The following PREX2 variants were observed in gnomAD, a reference collection of about 807,000 sequenced individuals.
The protein encoded by PREX2 is phosphatidylinositol-3,4,5-trisphosphate dependent Rac exchange factor 2.
Under a neutral mutation model 203.2 loss-of-function variants are expected in PREX2, and 107 were observed. The ratio of observed to expected loss-of-function variants is 0.53; its 90% CI spans 0.45 to 0.62. PREX2 has a LOEUF of 0.62. PREX2 is among the 20% of genes least tolerant of loss of function. The pLI is 0.00. For missense variants in PREX2, 1,777 were observed against 1,955.9 expected (o/e 0.91, Z 1.72); for synonymous variants, 672 against 663.6 (o/e 1.01, Z -0.19).
chr8:68,216,500 T>C (rs541261443), intron 37 of PREX2, among the ~76,000 whole-genome samples: 149 of 152,102 alleles, frequency 9.8e-4, no homozygotes, highest in Middle Eastern at 6.8e-3. Context: ...AAATTGACAA[T>C]TTTTATGAAA....
chr8:68,073,658 T>C (rs1809264728), intron 14 of PREX2, among the ~76,000 whole-genome samples: 1 of 152,228 alleles, frequency 6.6e-6, no homozygotes, highest in Admixed American at 6.5e-5. Context: ...ATTTATATTT[T>C]CAGTGGCTTT....
intron 23 of PREX2, among the ~76,000 whole-genome samples, chr8:68,102,155 T>A (rs1810284940): frequency 6.6e-6 from 1 of 152,208 alleles, no homozygotes; most frequent in Non-Finnish European, 1.5e-5. Flanking sequence ...TTATTGTTAG[T>A]TGAGTCTCAA....
intron 26 of PREX2, among the ~76,000 whole-genome samples, chr8:68,117,437 C>G (rs1003054368): frequency 6.6e-6 from 1 of 152,184 alleles, no homozygotes; most frequent in African/African-American, 2.4e-5. Flanking sequence ...AGATTAACCA[C>G]TTTTATCACT....
intron 1 of PREX2, among the ~76,000 whole-genome samples, chr8:67,976,674 AGAGAGACAG>A (rs1228027673): frequency 9.9e-5 from 10 of 101,162 alleles, no homozygotes; most frequent in East Asian, 5.2e-4. Flanking sequence ...AGAGACAGAG[AGAGAGACAG>A]GAGAGAGACA....
intron 1 of PREX2, among the ~76,000 whole-genome samples, chr8:67,998,873 C>T (rs1251236469): frequency 1.3e-5 from 2 of 152,214 alleles, no homozygotes; most frequent in Non-Finnish European, 2.9e-5. Context: ...GCAGCTACTG[C>T]TGCAGGTTTG....
chr8:68,107,935 G>C (rs1266577248), intron 23 of PREX2, among the ~76,000 whole-genome samples, 174 bp from the exon 24 acceptor site: 1 of 152,164 alleles, frequency 6.6e-6, no homozygotes, highest in African/African-American at 2.4e-5. Context: ...TATTAAGAAT[G>C]CTTCAGTTTT....
At chr8:68,026,296 C>T (rs908769983) in intron 4 of PREX2, among the ~76,000 whole-genome samples, 1 of 152,062 alleles carries the variant, frequency 6.6e-6, no homozygotes, top group African/African-American at 2.4e-5. Flanking sequence ...CTTTTGCATC[C>T]TTTACTGATC....
intron 1 of PREX2, among the ~76,000 whole-genome samples, chr8:67,985,869 C>T (rs1220726837): frequency 6.6e-6 from 1 of 152,032 alleles, no homozygotes; most frequent in Admixed American, 6.5e-5. Context: ...TGTTCCCCAC[C>T]AGAGCTATCC....
rs1811267221 is a variant in PREX2, at chr8:68,143,539, A to T, written c.4088-2670A>T. On this transcript the variant is annotated intron_variant, in intron 33 of 39. Coordinates refer to ENST00000288368, the MANE Select transcript of PREX2 (RefSeq NM_024870.4). ...CATTTTTATGGATTAACACACTTTG[A>T]TTGTTTGTTTTCTTATTGTTGAGTT... 2.8e-5 allele frequency among the ~76,000 whole-genome samples: 4 copies of T among 141,952 alleles called. No individual in the cohort carries two copies. The South Asian group carries it at 8.6e-4, about 31-fold the overall frequency. 93.1% of individuals were successfully genotyped at this position (141,952 alleles called of 152,430 possible).
At position 68,157,446 on chromosome 8, in the gene PREX2, A is replaced by G. The variant is rs1376117175; in HGVS notation, c.4346+10A>G. 4.1e-6 allele frequency: 6 copies of G among 1,461,204 alleles called. No individual in the cohort carries two copies. Among genetic ancestry groups the G allele is most frequent in the Non-Finnish European group, 5.7e-6 (6 of 1,043,530 alleles). The allele number at this position is 1,461,204 out of a possible 1,614,324, so 90.5% of individuals were successfully genotyped here. On this transcript the variant is annotated intron_variant, in intron 35 of 39. Coordinates refer to ENST00000288368, the MANE Select transcript of PREX2 (RefSeq NM_024870.4). Reference sequence around the variant, plus strand: ...ACAACCAGAAGCTCAGGTATGTAACAATCCAACTGAAAAATAATGAGTGTC... The same window carrying G: ...ACAACCAGAAGCTCAGGTATGTAACGATCCAACTGAAAAATAATGAGTGTC...
Position 68,093,590 on chromosome 8 carries a change from C to A in PREX2, c.2251-15C>A, listed in dbSNP as rs779342415. The A allele has an allele frequency of 7.5e-7, 1 of 1,330,092 alleles. No individual in the cohort carries two copies. Among genetic ancestry groups the A allele is most frequent in the Non-Finnish European group, 1.1e-6 (1 of 936,412 alleles). The allele number at this position is 1,330,092 out of a possible 1,614,324, so 82.4% of individuals were successfully genotyped here. A position where few individuals can be genotyped will look rare whatever the true frequency, so the allele number is the denominator to read the frequency against. On this transcript the variant is annotated splice_polypyrimidine_tract_variant and intron_variant, in intron 20 of 39. Transcript: ENST00000288368. ...CACTAATACCTCTGAGGTTTCTTTC[C>A]CCCCTCATTTCCAGCAAGATTCCAT...
rs141609132 is a variant in PREX2 at position 68,026,187 on chromosome 8, G to A, written c.442-1035G>A. Among the ~76,000 whole-genome samples the A allele has an allele frequency of 1.8e-4, 28 of 152,184 alleles. No homozygotes were observed. The East Asian group carries it at 3.9e-3, about 21-fold the overall frequency. ...GTGTCTGGGTGAAGTTACATTCAGA[G>A]TGCTGATTTTGCTGACTTTGCTGAC... On this transcript the variant is annotated intron_variant, in intron 4 of 39. Coordinates refer to ENST00000288368, the MANE Select transcript of PREX2 (RefSeq NM_024870.4).
intron 34 of PREX2, among the ~76,000 whole-genome samples, chr8:68,154,148 A>C (rs1215682129): frequency 2.6e-5 from 4 of 152,140 alleles, no homozygotes; most frequent in African/African-American, 9.7e-5. Context: ...TTAAGTCACA[A>C]ATCAAAGTGT....
intron 31 of PREX2, among the ~76,000 whole-genome samples, chr8:68,132,002 G>C (rs531498410): frequency 6.6e-6 from 1 of 152,194 alleles, no homozygotes; most frequent in East Asian, 1.9e-4. Context: ...CAAAGATGTA[G>C]GGCAATTTAT....
intron 38 of PREX2, among the ~76,000 whole-genome samples, chr8:68,219,389 A>G (rs1254960472): frequency 6.6e-6 from 1 of 152,148 alleles, no homozygotes; most frequent in Non-Finnish European, 1.5e-5. Flanking sequence ...TGTAAATTAT[A>G]TTTATATAGT....
intron 1 of PREX2, among the ~76,000 whole-genome samples, chr8:67,983,784 G>A (rs7459550): frequency 0.34 from 52,446 of 152,116 alleles, 9,455 homozygotes; most frequent in East Asian, 0.6. Context: ...TGAGCTCTTC[G>A]TGAGCTCTGG....
chr8:68,199,692 C>G (rs1812465696), intron 37 of PREX2, among the ~76,000 whole-genome samples: 1 of 152,122 alleles, frequency 6.6e-6, no homozygotes. Context: ...TGTAAAAAAT[C>G]TTATTCAGGT....
chr8:68,223,477 C>A (rs1263479764), intron 38 of PREX2: 1 of 152,038 alleles, frequency 6.6e-6, no homozygotes, highest in Non-Finnish European at 1.5e-5. Flanking sequence ...AAATTTCTTC[C>A]CACCTTTCTT....
intron 6 of PREX2, 99 bp from the exon 7 acceptor site, chr8:68,038,060 T>C: frequency 1.5e-6 from 2 of 1,330,796 alleles, no homozygotes; most frequent in East Asian, 2.3e-5. Flanking sequence ...ATAGCTTGCT[T>C]CTTAAAATAA....
Sources: gnomAD v4.1 joint callset for allele counts (sites outside exome capture counted in the v4.1 genomes callset) on GRCh38, gnomAD v4.1.1 for gene constraint, MANE v1.5 for transcripts, NCBI Gene and HGNC (gene_info 2026-07-23, HGNC 2026-07-21) for gene names.